Variants in PSMB4 observed in about 807,000 individuals in gnomAD.
The protein encoded by PSMB4 is proteasome 20S subunit beta 4.
PSMB4 carries 16 observed loss-of-function variants against 35.2 expected under a neutral mutation model. The observed-to-expected ratio is 0.45, with a 90% confidence interval of 0.31 to 0.69. The LOEUF (loss-of-function observed/expected upper bound fraction) is 0.69. Among genes scored for constraint, PSMB4 ranks in the 30% least tolerant of loss-of-function variants. PSMB4 has a pLI of 0.06. For synonymous variants in PSMB4, 144 were observed against 134.1 expected (o/e 1.07, Z -0.51); for missense variants, 333 against 351.8 (o/e 0.95, Z 0.43).
In PSMB4 at chr1:151,401,319, A is replaced by C; in HGVS notation, c.657A>C (p.Arg219=). Residue 219 remains arginine (R), a synonymous_variant, in exon 5 of 7, where the codon CGA becomes CGC. Transcript: ENST00000290541. ...EARDLVERCM[R]VLYYRDARSY... is the part of the protein sequence containing the mutation. ...GCGACTTAGTAGAACGCTGCATGCG[A>C]GTGCTGTACTACCGAGATGCCCGTT... is the stretch of plus-strand genomic sequence containing the variant. The C allele has an allele frequency of 6.2e-7, 1 of 1,614,106 alleles. No individual in the cohort carries two copies. The highest frequency in any genetic ancestry group is 8.5e-7 in the Non-Finnish European group (1 of 1,180,024).
intron 5 of PSMB4, 23 bp downstream of exon 5, chr1:151,401,378 A>C (rs1168929813): frequency 1.2e-6 from 2 of 1,610,288 alleles, no homozygotes; most frequent in South Asian, 1.1e-5. Context: ...CTGGGAACCT[A>C]ATTGGCGGGC....
chr1:151,399,791 G>C (rs1365641646), intron 1 of PSMB4, 64 bp downstream of exon 1: 1 of 1,609,844 alleles, frequency 6.2e-7, no homozygotes, highest in Non-Finnish European at 8.5e-7. Flanking sequence ...CTGCCGGCTG[G>C]TTTTGAGAGC....
rs373620750 is a variant in PSMB4 at position 151,400,088 on chromosome 1, A to G, written c.248A>G (p.Asn83Ser). ...TACGGCTCCTTGGCTCGTTTCCGCA[A>G]CATCTCTCGCATTATGCGAGTCAAC... ...GSYGSLARFRNISRIMRVNNS... is the reference protein window; with the variant it reads ...GSYGSLARFRSISRIMRVNNS... Residue 83 changes from asparagine to serine, a missense_variant, in exon 2 of 7, where the codon AAC becomes AGC. Coordinates refer to ENST00000290541, the MANE Select transcript of PSMB4 (RefSeq NM_002796.3). 2.3e-5 allele frequency: 37 copies of G among 1,614,038 alleles called. No individual in the cohort carries two copies. Among genetic ancestry groups the G allele is most frequent in the Non-Finnish European group, 3.1e-5 (37 of 1,180,034 alleles).
rs1652854985 is a variant in PSMB4, at chr1:151,401,822, T to C, written c.788T>C (p.Phe263Ser). 6.2e-7 allele frequency: 1 copy of C among 1,610,816 alleles called. No individual in the cohort carries two copies. The highest frequency in any genetic ancestry group is 1.3e-5 in the African/African-American group (1 of 74,948). ...NWDIAHMISG[F>S]E ...ATTCTGTCTTCCTTTTTTAGTGGCT[T>C]TGAATGAAATACAGATGCATTATCC... is the stretch of plus-strand genomic sequence containing the variant. Residue 263 changes from phenylalanine to serine, a missense_variant, in exon 7 of 7, where the codon TTT (phenylalanine) becomes TCT (serine). Coordinates refer to ENST00000290541, the MANE Select transcript of PSMB4 (RefSeq NM_002796.3).
rs759425302 is a variant in PSMB4, at chr1:151,399,577, C to T, written c.-11C>T. 1.9e-6 allele frequency: 3 copies of T among 1,599,584 alleles called. No homozygotes were observed. In the South Asian group the frequency reaches 3.4e-5, roughly 18 times the overall value. On this transcript the variant is annotated 5_prime_UTR_variant, in exon 1 of 7. Transcript: ENST00000290541. The stretch of plus-strand genomic sequence containing the variant: ...GCAAGCGCTTTCATTTTTTCTGCTA[C>T]CGTGACTAAGATGGAAGCGTTTTTG...
chr1:151,401,605 AAC>A lies in PSMB4; in HGVS notation c.758_759del (p.Asn253MetfsTer11). 1 of 1,611,498 alleles carries A rather than the reference AAC, an allele frequency of 6.2e-7. No individual in the cohort carries two copies. The highest frequency in any genetic ancestry group is 8.5e-7 in the Non-Finnish European group (1 of 1,177,556). On this transcript the variant is annotated frameshift_variant, in exon 6 of 7. Coordinates refer to ENST00000290541, the MANE Select transcript of PSMB4 (RefSeq NM_002796.3). LOFTEE classifies it high-confidence loss of function. ...EIEGPLSTET[N>X]WDIAHMISGF... ...AGAGGGACCATTGTCTACAGAGACC[AAC>A]TGGGATATTGCCCACATGATCAGGT...
At chr1:151,400,894 G>C (rs750302791) in intron 4 of PSMB4, 49 bp downstream of exon 4, 2 of 1,527,372 alleles carry the variant, frequency 1.3e-6, no homozygotes, top group South Asian at 2.2e-5. Flanking sequence ...AAAGGAAATG[G>C]ATTAGTGGTT....
rs779605691 is a variant in PSMB4 at position 151,401,223 on chromosome 1, C to T, written c.577-16C>T. ...CAGCCCAATATCCCCCCATGGTTTT[C>T]CCCCAATCTCCCTAGCCTCTGCTGC... On this transcript the variant is annotated splice_polypyrimidine_tract_variant and intron_variant, in intron 4 of 6. Coordinates refer to ENST00000290541, the MANE Select transcript of PSMB4 (RefSeq NM_002796.3). 1.0e-5 allele frequency: 16 copies of T among 1,606,692 alleles called. No homozygotes were observed. The highest frequency in any genetic ancestry group is 6.6e-5 in the South Asian group (6 of 90,938).
Position 151,399,737 on chromosome 1 carries a change from C to T in PSMB4, c.140+10C>T, listed in dbSNP as rs1652751650. On this transcript the variant is annotated intron_variant, in intron 1 of 6. Transcript: ENST00000290541. ...CAATCACGCGGACCCAGTAAGTTCTCGGCGCTTTCGTTTGCGTAGCGGGAG... is the reference window on the plus strand; with the variant it reads ...CAATCACGCGGACCCAGTAAGTTCTTGGCGCTTTCGTTTGCGTAGCGGGAG... 6.2e-7 allele frequency: 1 copy of T among 1,613,714 alleles called. No homozygotes were observed. The highest frequency in any genetic ancestry group is 1.1e-5 in the South Asian group (1 of 91,056).
chr1:151,401,501 C>T lies in PSMB4; in HGVS notation c.694-41C>T, dbSNP rs760250176. On this transcript the variant is annotated intron_variant, in intron 5 of 6. Coordinates refer to ENST00000290541, the MANE Select transcript of PSMB4 (RefSeq NM_002796.3). ...CTCCACCTGACCTTTCATTTAAGGA[C>T]TTAAGGCGTGGGCATTATTGAATGC... 4 of 1,557,830 alleles carry T rather than the reference C, an allele frequency of 2.6e-6. No homozygotes were observed. In the African/African-American group the frequency reaches 4.1e-5, roughly 16 times the overall value.
intron 5 of PSMB4, 45 bp downstream of exon 5, chr1:151,401,400 G>C (rs1283525731): frequency 1.1e-5 from 17 of 1,583,134 alleles, no homozygotes; most frequent in Non-Finnish European, 1.4e-5. Context: ...CTGGCTACTT[G>C]CAATCCCTGG....
At position 151,401,877 on chromosome 1, in the gene PSMB4, G is replaced by T; in HGVS notation, c.*48G>T. On this transcript the variant is annotated 3_prime_UTR_variant, in exon 7 of 7. Coordinates refer to ENST00000290541, the MANE Select transcript of PSMB4 (RefSeq NM_002796.3). ...CTGAAGTTGCCCTACTTTTAACTTT[G>T]AACTTGGCTAGTTCAAAGATAGACT... The T allele has an allele frequency of 1.3e-6, 2 of 1,546,672 alleles. No homozygotes were observed. The highest frequency in any genetic ancestry group is 2.2e-5 in the South Asian group (2 of 88,892).
At chr1:151,399,769 T>C (rs746916825) in intron 1 of PSMB4, 42 bp downstream of exon 1, 2 of 1,612,098 alleles carry the variant, frequency 1.2e-6, no homozygotes, top group Non-Finnish European at 8.5e-7. Flanking sequence ...GGAGGGACCG[T>C]GGGGCCTGGT....
rs775492404 is a variant in PSMB4, at chr1:151,399,635, G to A, written c.48G>A (p.Pro16=). 2.5e-6 allele frequency: 4 copies of A among 1,613,996 alleles called. No individual in the cohort carries two copies. Among genetic ancestry groups the A allele is most frequent in the African/African-American group, 1.3e-5 (1 of 74,914 alleles). ...GSRSGLWAGG[P]APGQFYRIPS... is the part of the protein sequence containing the mutation. Reference sequence around the variant, plus strand: ...GGTCCGGACTTTGGGCGGGGGGTCCGGCCCCAGGACAGTTTTACCGCATTC... The same window carrying A: ...GGTCCGGACTTTGGGCGGGGGGTCCAGCCCCAGGACAGTTTTACCGCATTC... The change falls in exon 1 of 7, where the codon CCG becomes CCA. Residue 16 remains proline, a synonymous_variant. Coordinates refer to ENST00000290541, the MANE Select transcript of PSMB4 (RefSeq NM_002796.3).
chr1:151,401,905 T>A lies in PSMB4; in HGVS notation c.*76T>A. 7.2e-7 allele frequency: 1 copy of A among 1,397,000 alleles called. No homozygotes were observed. Among genetic ancestry groups the A allele is most frequent in the Non-Finnish European group, 1.0e-6 (1 of 989,542 alleles). The allele number at this position is 1,397,000 out of a possible 1,614,324, so 86.5% of individuals were successfully genotyped here. ...CTTGGCTAGTTCAAAGATAGACTCT[T>A]CTTTTGTAAAGTAAATAAATTCTTC... is the stretch of plus-strand genomic sequence containing the variant. On this transcript the variant is annotated 3_prime_UTR_variant, in exon 7 of 7. Transcript: ENST00000290541.
At position 151,400,472 on chromosome 1, in the gene PSMB4, C is replaced by G. The variant is rs745464020; in HGVS notation, c.378C>G (p.His126Gln). 2 of 1,613,740 alleles carry G rather than the reference C, an allele frequency of 1.2e-6. No homozygotes were observed. The highest frequency in any genetic ancestry group is 4.5e-5 in the East Asian group (2 of 44,884). The change falls in exon 3 of 7, where the codon CAC (histidine) becomes CAG (glutamine). Residue 126 changes from histidine to glutamine, a missense_variant. Transcript: ENST00000290541. Reference protein sequence around the residue: ...VIDEELLGDGHSYSPRAIHSW... With the variant: ...VIDEELLGDGQSYSPRAIHSW... ...ATGAGGAGCTTCTGGGAGATGGACA[C>G]AGCTATAGTCCTAGAGCTATTCATT...
intron 1 of PSMB4, 31 bp from the exon 2 acceptor site, chr1:151,399,950 C>T (rs751896627): frequency 6.9e-6 from 11 of 1,600,472 alleles, no homozygotes; most frequent in Non-Finnish European, 8.6e-6. Context: ...GTCCATCCCC[C>T]CTCTCAGCTC....
In PSMB4 at chr1:151,399,605, G is replaced by A. The variant is rs188568243; in HGVS notation, c.18G>A (p.Gly6=). The A allele has an allele frequency of 4.1e-4, 665 of 1,611,928 alleles. 1 individual carries two copies. In the East Asian group the frequency reaches 0.011, roughly 26 times the overall value. MEAFL[G]SRSGLWAGGP... The stretch of plus-strand genomic sequence containing the variant: ...TGACTAAGATGGAAGCGTTTTTGGG[G>A]TCGCGGTCCGGACTTTGGGCGGGGG... Residue 6 remains glycine, a synonymous_variant, in exon 1 of 7, where the codon GGG becomes GGA. Transcript: ENST00000290541.
chr1:151,400,826 A>G lies in PSMB4; in HGVS notation c.557A>G (p.Tyr186Cys), dbSNP rs11557385. 1.2e-6 allele frequency: 2 copies of G among 1,614,120 alleles called. No individual in the cohort carries two copies. Among genetic ancestry groups the G allele is most frequent in the South Asian group, 2.2e-5 (2 of 91,080 alleles). Residue 186 changes from tyrosine to cysteine, a missense_variant, in exon 4 of 7, where the codon TAT (tyrosine) becomes TGT (cysteine). Tyr to Cys is a radical substitution (Grantham distance 194). Coordinates refer to ENST00000290541, the MANE Select transcript of PSMB4 (RefSeq NM_002796.3). ...AYEAPSLATG[Y>C]GAYLAQPLLR... ...GAAGCCCCTTCGCTGGCCACTGGTT[A>G]TGGTGCATACTTGGCTCAGGTAAGT...
Sources: gnomAD v4.1 joint callset for allele counts on GRCh38, gnomAD v4.1.1 for gene constraint, MANE v1.5 for transcripts, NCBI Gene and HGNC (gene_info 2026-07-23, HGNC 2026-07-21) for gene names.